Variants in DMXL2 observed in about 807,000 individuals in gnomAD.
DMXL2 encodes dmX-like protein 2.
Under a neutral mutation model 331.1 loss-of-function variants are expected in DMXL2, and 103 were observed. The observed-to-expected ratio is 0.31, with a 90% CI of 0.27 to 0.37. The LOEUF (loss-of-function observed/expected upper bound fraction) is 0.37, where lower values mean the gene tolerates loss of function less well. Among genes scored for constraint, DMXL2 ranks in the 10% least tolerant of loss-of-function variants. The pLI is 1.00. For missense variants in DMXL2, 3,171 were observed against 3,642.9 expected (o/e 0.87, Z 3.33); for synonymous variants, 1,281 against 1,252.1 (o/e 1.02, Z -0.49).
chr15:51,478,469 G>A (rs1239785649), intron 25 of DMXL2, 122 bp from the exon 26 acceptor site: 3 of 759,592 alleles, frequency 3.9e-6, no homozygotes, highest in Admixed American at 2.5e-5. Flanking sequence ...AATCCTAGAT[G>A]AGACTACTAA....
At chr15:51,483,023 CCA>C (rs2042127771) in intron 23 of DMXL2, among the ~76,000 whole-genome samples, 2 of 152,152 alleles carry the variant, frequency 1.3e-5, no homozygotes, top group South Asian at 2.1e-4. Context: ...CTGGATCTGC[CCA>C]CAGTCAGGAA....
intron 8 of DMXL2, among the ~76,000 whole-genome samples, chr15:51,544,659 T>C (rs1475582973): frequency 6.6e-6 from 1 of 152,146 alleles, no homozygotes; most frequent in East Asian, 1.9e-4. Flanking sequence ...ATGCAACCTT[T>C]AAACTGTCAA....
At chr15:51,512,944 C>A (rs2046842680) in intron 15 of DMXL2, among the ~76,000 whole-genome samples, 1 of 151,956 alleles carries the variant, frequency 6.6e-6, no homozygotes, top group Non-Finnish European at 1.5e-5. Context: ...ATAATTTTGT[C>A]TATTTTTGGC....
At chr15:51,586,571 A>G (rs1181978673) in intron 1 of DMXL2, among the ~76,000 whole-genome samples, 1 of 134,518 alleles carries the variant, frequency 7.4e-6, no homozygotes, top group Non-Finnish European at 1.7e-5. Flanking sequence ...TAAAAAGAGT[A>G]ATTTAATGTT....
At chr15:51,472,981 C>T (rs1218122259) in intron 28 of DMXL2, among the ~76,000 whole-genome samples, 1 of 110,630 alleles carries the variant, frequency 9.0e-6, no homozygotes, top group Non-Finnish European at 1.9e-5. Context: ...CTTCTATTCT[C>T]ATCTCCTACA....
intron 36 of DMXL2, 113 bp downstream of exon 36, chr15:51,458,393 C>G: frequency 1.7e-6 from 2 of 1,158,728 alleles, no homozygotes; most frequent in South Asian, 3.1e-5. Context: ...TTGTCACCTA[C>G]CCAAATGAAG....
intron 21 of DMXL2, 145 bp downstream of exon 21, chr15:51,488,403 C>T (rs1484908404): frequency 2.6e-6 from 2 of 769,156 alleles, no homozygotes; most frequent in South Asian, 1.8e-5. Context: ...ATATTTTACC[C>T]ATTTTTTTCA....
At chr15:51,613,943 C>T (rs1369264977) in intron 1 of DMXL2, among the ~76,000 whole-genome samples, 1 of 152,188 alleles carries the variant, frequency 6.6e-6, no homozygotes. Flanking sequence ...AATTCCAGGA[C>T]CAGCTCAGCT....
rs769564094 is a variant in DMXL2 at position 51,498,736 on chromosome 15, T to G, written c.4488A>C (p.Ile1496=). The G allele has an allele frequency of 3.1e-6, 5 of 1,614,068 alleles. No homozygotes were observed. The highest frequency in any genetic ancestry group is 4.2e-6 in the Non-Finnish European group (5 of 1,180,024). The part of the protein sequence containing the change: ...PEKRENKSKV[I]NLSQYGPAYF... ...AAGCTGGTCCATATTGAGAAAGATTTATTACTTTTGATTTGTTTTCTCTCT... is the reference window on the plus strand; with the variant it reads ...AAGCTGGTCCATATTGAGAAAGATTGATTACTTTTGATTTGTTTTCTCTCT... The change falls in exon 18 of 44, where the codon ATA becomes ATC. Residue 1496 remains isoleucine (I), a synonymous_variant. Transcript: ENST00000560891.
chr15:51,473,466 A>G (rs1173287762), intron 28 of DMXL2, among the ~76,000 whole-genome samples: 1 of 152,226 alleles, frequency 6.6e-6, no homozygotes, highest in Non-Finnish European at 1.5e-5. Context: ...GCAGCAAGAA[A>G]GAGATTCAGA....
intron 36 of DMXL2, among the ~76,000 whole-genome samples, 181 bp downstream of exon 36, chr15:51,458,325 T>C (rs2039825521): frequency 6.6e-6 from 1 of 152,202 alleles, no homozygotes; most frequent in Non-Finnish European, 1.5e-5. Context: ...TTAATGGAAG[T>C]GTAATTCATT....
rs767441318 is a variant in DMXL2 at position 51,498,924 on chromosome 15, A to C, written c.4300T>G (p.Leu1434Val). ...GATGTATCTTGATCTGCAGCAAGTA[A>C]TGCATATAGTGGTAGTGGAGGGATA... ...DSIPPLPLYA[L>V]LAADQDTSYR... is the part of the protein sequence containing the mutation. The change falls in exon 18 of 44, where the codon TTA (leucine) becomes GTA (valine). Residue 1434 changes from leucine to valine, a missense_variant. Around this residue, in one of 7 missense-constraint regions of DMXL2, gnomAD observed 1,674 missense variants for 1,780.2 expected, o/e 0.94. Transcript: ENST00000560891. 6.2e-7 allele frequency: 1 copy of C among 1,614,126 alleles called. No individual in the cohort carries two copies. Among genetic ancestry groups the C allele is most frequent in the South Asian group, 1.1e-5 (1 of 91,072 alleles).
intron 19 of DMXL2, among the ~76,000 whole-genome samples, chr15:51,493,454 G>C (rs1345541110): frequency 6.6e-6 from 1 of 152,096 alleles, no homozygotes; most frequent in Non-Finnish European, 1.5e-5. Context: ...GGTGAAAAAA[G>C]TTATTAGGGA....
At chr15:51,550,197 C>T (rs2140959680) in intron 6 of DMXL2, among the ~76,000 whole-genome samples, 1 of 152,152 alleles carries the variant, frequency 6.6e-6, no homozygotes, top group East Asian at 1.9e-4. Flanking sequence ...TCAACAGATG[C>T]AGAAAAAGCA....
intron 13 of DMXL2, among the ~76,000 whole-genome samples, chr15:51,527,952 T>C (rs920675823): frequency 6.6e-6 from 1 of 151,800 alleles, no homozygotes; most frequent in African/African-American, 2.4e-5. Flanking sequence ...AGTTAAGGAG[T>C]AGAGCCTTTA....
intron 2 of DMXL2, among the ~76,000 whole-genome samples, chr15:51,573,626 T>C (rs2050815109): frequency 6.6e-6 from 1 of 151,700 alleles, no homozygotes; most frequent in Non-Finnish European, 1.5e-5. Context: ...TCCTCACTCA[T>C]CAGTGGGAGT....
At chr15:51,578,486 G>C (rs8038203) in intron 1 of DMXL2, among the ~76,000 whole-genome samples, 3 of 151,700 alleles carry the variant, frequency 2.0e-5, no homozygotes, top group African/African-American at 7.3e-5. Flanking sequence ...TTTCTGATCC[G>C]GCAATAGTTC....
intron 1 of DMXL2, among the ~76,000 whole-genome samples, chr15:51,581,277 T>A (rs367640872): frequency 1.5e-4 from 23 of 152,290 alleles, no homozygotes; most frequent in African/African-American, 5.5e-4. Flanking sequence ...AATCTAATGA[T>A]AAACATAATG....
intron 13 of DMXL2, among the ~76,000 whole-genome samples, chr15:51,517,848 A>C (rs1245032946): frequency 2.0e-5 from 3 of 152,210 alleles, no homozygotes; most frequent in African/African-American, 7.2e-5. Context: ...TATAAGTACA[A>C]GCATATACAC....
Sources: allele counts gnomAD v4.1 joint callset (sites outside exome capture counted in the v4.1 genomes callset), GRCh38; gene constraint gnomAD v4.1.1; regional missense constraint gnomAD v4.1.1; transcripts MANE v1.5; gene names NCBI Gene and HGNC (gene_info 2026-07-23, HGNC 2026-07-21).